The following OR51B5 variants were observed in gnomAD, a reference collection of about 807,000 sequenced individuals.
OR51B5 encodes the protein olfactory receptor 51B5.
For synonymous variants in OR51B5, 186 were observed against 144.8 expected (o/e 1.28, Z -2.04); for missense variants, 456 against 374.6 (o/e 1.22, Z -1.79).
intron 1 of OR51B5, among the ~76,000 whole-genome samples, chr11:5,401,154 C>T (rs1175063966): frequency 6.6e-6 from 1 of 152,194 alleles, no homozygotes; most frequent in Non-Finnish European, 1.5e-5. Context: ...CTATTGCCTT[C>T]CTCTCCTCCC....
chr11:5,476,347 C>T (rs991093679), intron 1 of OR51B5, among the ~76,000 whole-genome samples: 8 of 152,174 alleles, frequency 5.3e-5, no homozygotes, highest in African/African-American at 1.9e-4. Flanking sequence ...TCACAAATCA[C>T]ACAAGTGACA....
chr11:5,358,262 G>A (rs1849224773), intron 1 of OR51B5, among the ~76,000 whole-genome samples: 1 of 151,604 alleles, frequency 6.6e-6, no homozygotes, highest in African/African-American at 2.4e-5. Context: ...TAATAAAGAA[G>A]AAAAGAGAGA....
At chr11:5,492,244 ACACT>A (rs1851591942) in intron 1 of OR51B5, among the ~76,000 whole-genome samples, 1 of 152,068 alleles carries the variant, frequency 6.6e-6, no homozygotes, top group South Asian at 2.1e-4. Flanking sequence ...ACACACACAC[ACACT>A]CACTCACACA....
At chr11:5,379,064 A>G (rs1228966515) in intron 1 of OR51B5, among the ~76,000 whole-genome samples, 1 of 151,276 alleles carries the variant, frequency 6.6e-6, no homozygotes, top group African/African-American at 2.4e-5. Flanking sequence ...AACCAACCCA[A>G]ATGTCCAACA....
chr11:5,372,480 T>C (rs2133708165), intron 1 of OR51B5, among the ~76,000 whole-genome samples: 1 of 152,318 alleles, frequency 6.6e-6, no homozygotes, highest in African/African-American at 2.4e-5. Flanking sequence ...TGAGTGATAC[T>C]TGTGGTTTTG....
chr11:5,377,826 G>A (rs1849550990), intron 1 of OR51B5, among the ~76,000 whole-genome samples: 1 of 152,002 alleles, frequency 6.6e-6, no homozygotes, highest in African/African-American at 2.4e-5. Context: ...ACAAACAAAT[G>A]GAAGAACATT....
At chr11:5,395,201 G>A (rs760691089) in intron 1 of OR51B5, among the ~76,000 whole-genome samples, 14 of 152,090 alleles carry the variant, frequency 9.2e-5, no homozygotes, top group Non-Finnish European at 1.9e-4. Flanking sequence ...TTCCTTTGAG[G>A]GCCAAAGACC....
At chr11:5,351,621 T>G (rs750614208) in intron 1 of OR51B5, 4 of 1,614,122 alleles carry the variant, frequency 2.5e-6, no homozygotes, top group East Asian at 4.5e-5. Flanking sequence ...CCATACTTCT[T>G]GGCAATGGCA....
intron 1 of OR51B5, among the ~76,000 whole-genome samples, chr11:5,475,218 TCAAC>T (rs1851285737): frequency 6.6e-6 from 1 of 152,194 alleles, no homozygotes; most frequent in East Asian, 1.9e-4. Flanking sequence ...CAATATTAAG[TCAAC>T]TTTCATCATG....
At chr11:5,453,697 A>G in intron 1 of OR51B5, 2 of 1,613,750 alleles carry the variant, frequency 1.2e-6, no homozygotes, top group Non-Finnish European at 1.7e-6. Flanking sequence ...TCCTTCAGTG[A>G]TGTGGCCATA....
intron 1 of OR51B5, among the ~76,000 whole-genome samples, chr11:5,487,028 C>T (rs1851508513): frequency 6.6e-6 from 1 of 152,028 alleles, no homozygotes; most frequent in Non-Finnish European, 1.5e-5. Context: ...AGATATTAGC[C>T]TCATTTGAAA....
intron 1 of OR51B5, chr11:5,391,628 G>C (rs1849796383): frequency 6.6e-6 from 1 of 152,204 alleles, no homozygotes; most frequent in African/African-American, 2.4e-5. Context: ...AGAAGCCCAA[G>C]AAGACACCTT....
intron 1 of OR51B5, among the ~76,000 whole-genome samples, chr11:5,475,626 T>G (rs1851294017): frequency 6.6e-6 from 1 of 152,204 alleles, no homozygotes; most frequent in Non-Finnish European, 1.5e-5. Flanking sequence ...AGAGTTATGA[T>G]TAAATGATCT....
chr11:5,477,839 C>G (rs933494460), intron 1 of OR51B5, among the ~76,000 whole-genome samples: 18 of 152,194 alleles, frequency 1.2e-4, no homozygotes, highest in Non-Finnish European at 2.1e-4. Flanking sequence ...GATTATATCC[C>G]GCACCTGGCT....
At chr11:5,483,305 A>G (rs1851451797) in intron 1 of OR51B5, among the ~76,000 whole-genome samples, 1 of 135,332 alleles carries the variant, frequency 7.4e-6, no homozygotes, top group Admixed American at 7.9e-5. Context: ...GGAACTGAAC[A>G]ATGAGATCAC....
intron 1 of OR51B5, chr11:5,453,548 G>T: frequency 6.2e-7 from 1 of 1,606,956 alleles, no homozygotes; most frequent in Non-Finnish European, 8.5e-7. Flanking sequence ...TCCCTGGTCT[G>T]GAGAGCTCTC....
chr11:5,429,832 G>T (rs1850509371), intron 1 of OR51B5, among the ~76,000 whole-genome samples: 2 of 152,134 alleles, frequency 1.3e-5, no homozygotes, highest in South Asian at 4.1e-4. Flanking sequence ...ATTGAGCCTG[G>T]GATTCTACTA....
chr11:5,351,987 C>A (rs753557022), intron 1 of OR51B5: 1 of 1,613,450 alleles, frequency 6.2e-7, no homozygotes. Flanking sequence ...TAGTTGTTCG[C>A]CTACACTGGT....
At chr11:5,358,988 G>A (rs11517977) in intron 1 of OR51B5, among the ~76,000 whole-genome samples, 55,779 of 150,130 alleles carry the variant, frequency 0.37, 10,516 homozygotes, top group Non-Finnish European at 0.4. Context: ...TTGATGGGAC[G>A]TATCTCAAAA....
Sources: gnomAD v4.1 joint callset for allele counts (sites outside exome capture counted in the v4.1 genomes callset) on GRCh38, gnomAD v4.1.1 for gene constraint, MANE v1.5 for transcripts, NCBI Gene and HGNC (gene_info 2026-07-23, HGNC 2026-07-21) for gene names.